The following NFILZ variants were observed in gnomAD, a reference collection of about 807,000 sequenced individuals.
The protein encoded by NFILZ is NFIL3 like protein.
intron 3 of NFILZ, among the ~76,000 whole-genome samples, chr19:8,663,780 G>GTGTGTGTGTGTGTGTGTA (rs2043048792): frequency 1.6e-5 from 2 of 125,152 alleles, no homozygotes; most frequent in Non-Finnish European, 3.7e-5. Flanking sequence ...GTATGTATGT[G>GTGTGTGTGTGTGTGTGTA]TGTTTGTTGT....
In NFILZ at chr19:8,676,413, C is replaced by G. The variant is rs1216700127; in HGVS notation, c.-59C>G. 6.6e-6 allele frequency among the ~76,000 whole-genome samples: 1 copy of G among 152,196 alleles called. No individual in the cohort carries two copies. Among genetic ancestry groups the G allele is most frequent in the Non-Finnish European group, 1.5e-5 (1 of 68,032 alleles). On this transcript the variant is annotated 5_prime_UTR_variant, in exon 5 of 6. Coordinates refer to ENST00000691075, the MANE Select transcript of NFILZ (RefSeq NM_001378600.1). The stretch of plus-strand genomic sequence containing the variant: ...TTTCCAAGAATCTTACCTTGGAACT[C>G]CAATTGAACTGAGCCCTGGGCTTGT...
At chr19:8,643,710 C>T (rs2042928102) in intron 3 of NFILZ, among the ~76,000 whole-genome samples, 1 of 152,172 alleles carries the variant, frequency 6.6e-6, no homozygotes, top group African/African-American at 2.4e-5. Context: ...GGCTCTCAGG[C>T]TCTCCAACCT....
At position 8,680,014 on chromosome 19, in the gene NFILZ, G is replaced by A. The variant is rs569504202; in HGVS notation, c.*2379G>A. 9.9e-5 allele frequency among the ~76,000 whole-genome samples: 15 copies of A among 152,028 alleles called. No homozygotes were observed. The highest frequency in any genetic ancestry group is 3.4e-4 in the African/African-American group (14 of 41,480). Reference sequence around the variant, plus strand: ...AGTTCGAGACCAGCCTGGCCAACATGATGAAGCCCCGTCTCTAGTAAAAAT... The same window carrying A: ...AGTTCGAGACCAGCCTGGCCAACATAATGAAGCCCCGTCTCTAGTAAAAAT... On this transcript the variant is annotated 3_prime_UTR_variant, in exon 6 of 6. Transcript: ENST00000691075.
At chr19:8,656,499 C>CAGCCCACCTTCTCCTGA (rs2043003821) in intron 3 of NFILZ, among the ~76,000 whole-genome samples, 1 of 32,776 alleles carries the variant, frequency 3.1e-5, no homozygotes, top group Non-Finnish European at 7.8e-5. Flanking sequence ...CCTTCTCCCG[C>CAGCCCACCTTCTCCTGA]AGCCCACCTT....
rs2146178786 is a variant in NFILZ at position 8,678,919 on chromosome 19, G to A, written c.*1284G>A. 6.6e-6 allele frequency among the ~76,000 whole-genome samples: 1 copy of A among 152,292 alleles called. No individual in the cohort carries two copies. Among genetic ancestry groups the A allele is most frequent in the Non-Finnish European group, 1.5e-5 (1 of 68,028 alleles). On this transcript the variant is annotated 3_prime_UTR_variant, in exon 6 of 6. Coordinates refer to ENST00000691075, the MANE Select transcript of NFILZ (RefSeq NM_001378600.1). ...GTTTCCTGTCCTGGGGTAGGAATGGGTGTTTGGGAAGAAACATACTGAAGA... is the reference window on the plus strand; with the variant it reads ...GTTTCCTGTCCTGGGGTAGGAATGGATGTTTGGGAAGAAACATACTGAAGA...
At chr19:8,674,901 C>A (rs193166962) in intron 4 of NFILZ, among the ~76,000 whole-genome samples, 1 of 152,108 alleles carries the variant, frequency 6.6e-6, no homozygotes, top group African/African-American at 2.4e-5. Flanking sequence ...AAAGTTACTA[C>A]GGTTTATCTT....
chr19:8,641,300 C>A (rs2042918184), intron 3 of NFILZ, among the ~76,000 whole-genome samples: 1 of 151,874 alleles, frequency 6.6e-6, no homozygotes, highest in Non-Finnish European at 1.5e-5. Context: ...AATCCGCTCA[C>A]CTCAGCCTCC....
chr19:8,674,220 C>T (rs532609350), intron 3 of NFILZ, among the ~76,000 whole-genome samples: 3 of 152,262 alleles, frequency 2.0e-5, no homozygotes, highest in South Asian at 2.1e-4. Context: ...CATGGTGTGG[C>T]GGAGCAGACT....
Position 8,678,450 on chromosome 19 carries a change from C to T in NFILZ, c.*815C>T, listed in dbSNP as rs2043129435. Reference sequence around the variant, plus strand: ...CATCCTCATCCACTCATCCACCCATCCTCACCTATCCATCCATCCACCCAT... The same window carrying T: ...CATCCTCATCCACTCATCCACCCATTCTCACCTATCCATCCATCCACCCAT... On this transcript the variant is annotated 3_prime_UTR_variant, in exon 6 of 6. Transcript: ENST00000691075. Among the ~76,000 whole-genome samples, 1 of 150,860 alleles carries T rather than the reference C, an allele frequency of 6.6e-6. No individual in the cohort carries two copies. The highest frequency in any genetic ancestry group is 1.5e-5 in the Non-Finnish European group (1 of 67,684).
intron 3 of NFILZ, among the ~76,000 whole-genome samples, chr19:8,670,992 CAAAA>C (rs35392454): frequency 0.048 from 5,644 of 117,598 alleles, 329 homozygotes; most frequent in African/African-American, 0.16. Context: ...GAGACTGTCT[CAAAA>C]AAAAAAAAAA....
chr19:8,659,778 G>A (rs2043021331), intron 3 of NFILZ, among the ~76,000 whole-genome samples: 1 of 152,122 alleles, frequency 6.6e-6, no homozygotes, highest in Non-Finnish European at 1.5e-5. Flanking sequence ...GAGTCCCCAC[G>A]GATGAAGCTC....
rs2043133628 is a variant in NFILZ at position 8,679,235 on chromosome 19, C to CCCA, written c.*1602_*1603insACC. ...TGGAGCCCAAGGACTTATCAAGGCT[C>CCCA]CCTCCTCCTCAGTTTCTCACTCAGC... On this transcript the variant is annotated 3_prime_UTR_variant, in exon 6 of 6. Coordinates refer to ENST00000691075, the MANE Select transcript of NFILZ (RefSeq NM_001378600.1). Among the ~76,000 whole-genome samples, 1 of 151,538 alleles carries CCCA rather than the reference C, an allele frequency of 6.6e-6. No individual in the cohort carries two copies. The highest frequency in any genetic ancestry group is 2.4e-5 in the African/African-American group (1 of 41,160).
chr19:8,652,930 CTCTT>C (rs1257965991), intron 3 of NFILZ, among the ~76,000 whole-genome samples: 6 of 145,346 alleles, frequency 4.1e-5, no homozygotes, highest in African/African-American at 8.0e-5. Flanking sequence ...TCTTCTCTCT[CTCTT>C]TCTCTCTTTC....
Position 8,647,788 on chromosome 19 carries a change from C to T in NFILZ, c.-164+12042C>T, listed in dbSNP as rs1409894192. Among the ~76,000 whole-genome samples, 267 of 107,126 alleles carry T rather than the reference C, an allele frequency of 2.5e-3. 1 individual carries two copies. Among genetic ancestry groups the T allele is most frequent in the Non-Finnish European group, 3.0e-3 (159 of 53,338 alleles). The allele number at this position is 107,126 out of a possible 152,430, so 70.3% of individuals were successfully genotyped here. On this transcript the variant is annotated intron_variant, in intron 3 of 5. Transcript: ENST00000691075. ...ACACACACGCACACATGCGCGCGCG[C>T]GCGCGCGCACACACACACACACACA... is the stretch of plus-strand genomic sequence containing the variant.
intron 3 of NFILZ, among the ~76,000 whole-genome samples, chr19:8,665,620 C>T (rs953316380): frequency 6.6e-6 from 1 of 152,174 alleles, no homozygotes; most frequent in Non-Finnish European, 1.5e-5. Context: ...GAATTACAGG[C>T]ATGAGCCTTC....
At chr19:8,647,114 T>C (rs114906025) in intron 3 of NFILZ, among the ~76,000 whole-genome samples, 2,337 of 152,296 alleles carry the variant, frequency 0.015, 48 homozygotes, top group African/African-American at 0.054. Context: ...AGAACAATGC[T>C]GAACTCAGTT....
At chr19:8,663,764 G>GTGTGTA (rs2043048360) in intron 3 of NFILZ, among the ~76,000 whole-genome samples, 8 of 33,096 alleles carry the variant, frequency 2.4e-4, no homozygotes, top group Admixed American at 1.5e-3. Context: ...GTGTGTGTGT[G>GTGTGTA]TGTGTGTATG....
At chr19:8,631,178 A>G in intron 1 of NFILZ, among the ~76,000 whole-genome samples, 1 of 152,038 alleles carries the variant, frequency 6.6e-6, no homozygotes, top group East Asian at 1.9e-4. Flanking sequence ...AGGGTGCCTG[A>G]ATGGTGGAAT....
At chr19:8,647,218 A>G (rs782717070) in intron 3 of NFILZ, among the ~76,000 whole-genome samples, 17 of 152,116 alleles carry the variant, frequency 1.1e-4, no homozygotes, top group Non-Finnish European at 2.4e-4. Context: ...CCCATCAATG[A>G]TAGACTGGAT....
Sources: allele counts gnomAD v4.1 joint callset (sites outside exome capture counted in the v4.1 genomes callset), GRCh38; gene constraint gnomAD v4.1.1; transcripts MANE v1.5; gene names NCBI Gene and HGNC (gene_info 2026-07-23, HGNC 2026-07-21).